PRR5: variants seen among roughly 807,000 people sequenced by gnomAD.
The protein encoded by PRR5 is proline-rich protein 5.
PRR5 carries 25 observed loss-of-function variants against 30.6 expected under a neutral mutation model. That is an observed-to-expected ratio of 0.82 (90% confidence interval 0.60 to 1.14). The LOEUF is 1.14. Ranked by LOEUF, PRR5 falls within the 50% of genes most tolerant of loss-of-function variation. PRR5 has a pLI of 0.00. For missense variants in PRR5, 600 were observed against 547.1 expected (o/e 1.10, Z -0.96); for synonymous variants, 286 against 247.1 (o/e 1.16, Z -1.48).
chr22:44,700,164 T>C (rs1176940533), upstream of PRR5, among the ~76,000 whole-genome samples: 1 of 152,012 alleles, frequency 6.6e-6, no homozygotes, highest in Non-Finnish European at 1.5e-5. Context: ...TACAAAATTT[T>C]TTAAAAATTA....
At chr22:44,692,527 T>C (rs1378209663) in intron 1 of PRR5, among the ~76,000 whole-genome samples, 13 of 113,396 alleles carry the variant, frequency 1.1e-4, no homozygotes, top group African/African-American at 4.5e-4. Context: ...TCCTGGGGGC[T>C]CCTCCTCCCG....
At chr22:44,690,029 G>A (rs7285126) in intron 1 of PRR5, among the ~76,000 whole-genome samples, 7,521 of 152,262 alleles carry the variant, frequency 0.049, 372 homozygotes, top group African/African-American at 0.13. Context: ...GAGGGAGGGG[G>A]CAGCACGGGT....
chr22:44,702,564 G>A lies in PRR5; in HGVS notation c.90G>A (p.Arg30=). The part of the protein sequence containing the change: ...KREPAAAADE[R]GTQQRRACAN... ...AGCCGGCCGCCGCCGCGGACGAGCG[G>A]GGCACGCAGCAGCGCCGGGCCTGCG... is the stretch of plus-strand genomic sequence containing the variant. The change falls in exon 1 of 8, where the codon CGG becomes CGA. Residue 30 remains arginine (R), a synonymous_variant. Coordinates refer to ENST00000336985, the MANE Select transcript of PRR5 (RefSeq NM_181333.4). The A allele has an allele frequency of 1.4e-6, 2 of 1,432,326 alleles. No individual in the cohort carries two copies. The highest frequency in any genetic ancestry group is 1.4e-5 in the South Asian group (1 of 70,334). The allele number at this position is 1,432,326 out of a possible 1,614,324, so 88.7% of individuals were successfully genotyped here.
At chr22:44,679,085 T>A (rs925966810) in intron 1 of PRR5, among the ~76,000 whole-genome samples, 2 of 152,176 alleles carry the variant, frequency 1.3e-5, no homozygotes, top group Admixed American at 6.5e-5. Context: ...CCCTTGTAGC[T>A]GAGTGACCCT....
At chr22:44,695,404 T>C (rs527313558) in intron 1 of PRR5, among the ~76,000 whole-genome samples, 27 of 152,322 alleles carry the variant, frequency 1.8e-4, no homozygotes, top group African/African-American at 6.3e-4. Context: ...CAGCCCGAGG[T>C]TGGACAGGCA....
At chr22:44,709,832 A>G (rs1435427740) in intron 1 of PRR5, among the ~76,000 whole-genome samples, 1 of 152,116 alleles carries the variant, frequency 6.6e-6, no homozygotes, top group African/African-American at 2.4e-5. Context: ...AGCCTAGGTG[A>G]CAGAACGAGA....
upstream of PRR5, among the ~76,000 whole-genome samples, chr22:44,700,856 T>C (rs1232529867): frequency 6.6e-6 from 1 of 152,134 alleles, no homozygotes; most frequent in East Asian, 1.9e-4. Context: ...TTCATGAGGC[T>C]CTCTTACTTT....
chr22:44,678,757 G>A (rs1053695709), intron 1 of PRR5, among the ~76,000 whole-genome samples: 2 of 152,188 alleles, frequency 1.3e-5, no homozygotes, highest in African/African-American at 4.8e-5. Context: ...TTGGGCCAGC[G>A]CTTGTCATAC....
At position 44,702,396 on chromosome 22, in the gene PRR5, GC is replaced by G; in HGVS notation, c.-76del. ...TTTCCGCGTAGAGGGCGCATCGCCG[GC>G]CCGGGGCCCTTGGTGCGGCGTGGCG... On this transcript the variant is annotated 5_prime_UTR_variant, in exon 1 of 8. Transcript: ENST00000336985. 1 of 1,221,414 alleles carries G rather than the reference GC, an allele frequency of 8.2e-7. No homozygotes were observed. Among genetic ancestry groups the G allele is most frequent in the East Asian group, 3.5e-5 (1 of 28,228 alleles). The allele number at this position is 1,221,414 out of a possible 1,614,324, so 75.7% of individuals were successfully genotyped here.
At chr22:44,688,677 T>C (rs1473831798) in intron 1 of PRR5, among the ~76,000 whole-genome samples, 1 of 152,166 alleles carries the variant, frequency 6.6e-6, no homozygotes, top group Non-Finnish European at 1.5e-5. Flanking sequence ...AATGTCAGTA[T>C]TAAATGTGCT....
chr22:44,715,510 T>C (rs1486572070), intron 2 of PRR5, among the ~76,000 whole-genome samples: 1 of 152,150 alleles, frequency 6.6e-6, no homozygotes, highest in Non-Finnish European at 1.5e-5. Flanking sequence ...TGAGGCCCAA[T>C]ACATGCCGCT....
chr22:44,726,975 A>G (rs1920977172), intron 4 of PRR5, among the ~76,000 whole-genome samples: 1 of 152,138 alleles, frequency 6.6e-6, no homozygotes, highest in Non-Finnish European at 1.5e-5. Context: ...TTTGGGGGTC[A>G]GAGGAGAAGT....
At chr22:44,673,315 G>A (rs998970541), upstream of PRR5, among the ~76,000 whole-genome samples, 1 of 152,222 alleles carries the variant, frequency 6.6e-6, no homozygotes, top group African/African-American at 2.4e-5. Flanking sequence ...CAGGAATTTT[G>A]ATTTCTGCCC....
chr22:44,731,238 C>CATTAAAAAAAAAA, intron 4 of PRR5: 1 of 264,014 alleles, frequency 3.8e-6, no homozygotes, highest in African/African-American at 2.2e-5. Flanking sequence ...CTGTGTGGGT[C>CATTAAAAAAAAAA]TTACCTGTGC....
chr22:44,681,836 G>A (rs1924317557), intron 1 of PRR5, among the ~76,000 whole-genome samples: 1 of 152,186 alleles, frequency 6.6e-6, no homozygotes, highest in African/African-American at 2.4e-5. Context: ...GAGATGATGT[G>A]GGCAAACTGC....
At chr22:44,689,366 A>G (rs1925039538) in intron 1 of PRR5, among the ~76,000 whole-genome samples, 1 of 152,160 alleles carries the variant, frequency 6.6e-6, no homozygotes, top group African/African-American at 2.4e-5. Context: ...ATCCCTTATC[A>G]GACACCCCCA....
intron 1 of PRR5, among the ~76,000 whole-genome samples, chr22:44,684,875 G>A (rs5765901): frequency 0.43 from 64,984 of 152,108 alleles, 15,775 homozygotes; most frequent in African/African-American, 0.67. Flanking sequence ...AGGCTCAGGC[G>A]TCCTCCCTCC....
chr22:44,683,228 C>T (rs527804629), intron 1 of PRR5, among the ~76,000 whole-genome samples: 52 of 152,196 alleles, frequency 3.4e-4, no homozygotes, highest in Non-Finnish European at 6.5e-4. Flanking sequence ...CACCCTCTGG[C>T]CTTATCCCTG....
At chr22:44,682,530 C>A (rs1484273837) in intron 1 of PRR5, among the ~76,000 whole-genome samples, 1 of 152,174 alleles carries the variant, frequency 6.6e-6, no homozygotes, top group Non-Finnish European at 1.5e-5. Flanking sequence ...CACACTCTGC[C>A]TTCTCACAGA....
Sources: allele counts gnomAD v4.1 joint callset (sites outside exome capture counted in the v4.1 genomes callset), GRCh38; gene constraint gnomAD v4.1.1; transcripts MANE v1.5; gene names NCBI Gene and HGNC (gene_info 2026-07-23, HGNC 2026-07-21).